Variants in UST observed in about 807,000 individuals in gnomAD.
UST encodes the protein uronyl 2-sulfotransferase.
A neutral mutation model predicts 45.6 loss-of-function variants in UST; 21 were observed. That is an observed-to-expected ratio of 0.46 (90% confidence interval 0.33 to 0.66). The LOEUF (loss-of-function observed/expected upper bound fraction) is 0.66. UST is among the 30% of genes least tolerant of loss of function. UST has a pLI of 0.02. For synonymous variants in UST, 215 were observed against 200.6 expected, an observed-to-expected ratio of 1.07 and a Z score of -0.61; for missense variants, 463 against 512.4, an observed-to-expected ratio of 0.90 and a Z score of 0.93.
intron 3 of UST, among the ~76,000 whole-genome samples, chr6:148,951,748 G>T (rs1780369241): frequency 6.6e-6 from 1 of 152,212 alleles, no homozygotes; most frequent in African/African-American, 2.4e-5. Flanking sequence ...GAGCTGAAAT[G>T]TACCCTCTGC....
intron 1 of UST, among the ~76,000 whole-genome samples, chr6:148,827,344 C>T (rs944940118): frequency 1.8e-4 from 27 of 152,142 alleles, no homozygotes; most frequent in Non-Finnish European, 2.5e-4. Context: ...AGTCTGGGGC[C>T]GGCCGCGGTG....
chr6:148,794,715 G>A (rs17085359), intron 1 of UST, among the ~76,000 whole-genome samples: 2,660 of 152,232 alleles, frequency 0.017, 77 homozygotes, highest in African/African-American at 0.061. Flanking sequence ...AAAGAACATC[G>A]GGTGGAATAA....
intron 2 of UST, among the ~76,000 whole-genome samples, chr6:148,912,595 G>A (rs1779497000): frequency 6.6e-6 from 1 of 152,172 alleles, no homozygotes; most frequent in African/African-American, 2.4e-5. Context: ...TTATCCACAA[G>A]GAGAAACAAG....
In UST at chr6:148,754,457, C is replaced by T. The variant is rs145467792; in HGVS notation, c.247+6780C>T. On this transcript the variant is annotated intron_variant, in intron 1 of 7. Transcript: ENST00000367463. Reference sequence around the variant, plus strand: ...TTTCTGGTCTTTTGTCCCTCACCCCCTTCCCACCCTTTCTCCCTGAGTCCC... The same window carrying T: ...TTTCTGGTCTTTTGTCCCTCACCCCTTTCCCACCCTTTCTCCCTGAGTCCC... Among the ~76,000 whole-genome samples the T allele has an allele frequency of 1.2e-3, 189 of 152,292 alleles. 2 individuals are homozygous for T. In the East Asian group the frequency reaches 0.018, roughly 14 times the overall value.
chr6:148,966,493 A>G (rs1019725077), intron 5 of UST, among the ~76,000 whole-genome samples: 32 of 152,240 alleles, frequency 2.1e-4, no homozygotes, highest in Non-Finnish European at 7.3e-5. Flanking sequence ...AAAGGACAGC[A>G]GAAAATGCCA....
In UST at chr6:148,998,597, G is replaced by T. The variant is rs139915382; in HGVS notation, c.682-20542G>T. On this transcript the variant is annotated intron_variant, in intron 5 of 7. Transcript: ENST00000367463. ...CAGTGCATTCATATAATATCACACT[G>T]CCCCTCCTAGAGAAAACTCACAATG... is the stretch of plus-strand genomic sequence containing the variant. 1.9e-3 allele frequency among the ~76,000 whole-genome samples: 283 copies of T among 152,230 alleles called. 1 individual carries two copies. Among genetic ancestry groups the T allele is most frequent in the African/African-American group, 6.5e-3 (268 of 41,544 alleles).
chr6:148,912,959 G>A (rs1490409658), intron 2 of UST, among the ~76,000 whole-genome samples: 1 of 152,164 alleles, frequency 6.6e-6, no homozygotes, highest in Admixed American at 6.5e-5. Context: ...AAATGCAGTA[G>A]GTCTGGAGAG....
chr6:149,004,422 C>T (rs888177595), intron 5 of UST, among the ~76,000 whole-genome samples: 9 of 152,260 alleles, frequency 5.9e-5, no homozygotes, highest in African/African-American at 2.2e-4. Context: ...GTGTAAGAGC[C>T]GGATGTCCAC....
chr6:148,850,443 A>G lies in UST; in HGVS notation c.248-36543A>G, dbSNP rs1778082259. ...CAGCACATTTCATCTACGGAGAGCAAACTAATCAAAAAAGCACGCTTGCTC... is the reference window on the plus strand; with the variant it reads ...CAGCACATTTCATCTACGGAGAGCAGACTAATCAAAAAAGCACGCTTGCTC... On this transcript the variant is annotated intron_variant, in intron 1 of 7. Transcript: ENST00000367463. 2.0e-5 allele frequency among the ~76,000 whole-genome samples: 3 copies of G among 152,322 alleles called. No individual in the cohort carries two copies. In the South Asian group the frequency reaches 6.2e-4, roughly 32 times the overall value.
chr6:148,768,079 C>T (rs1013203525), intron 1 of UST, among the ~76,000 whole-genome samples: 5 of 152,072 alleles, frequency 3.3e-5, no homozygotes, highest in South Asian at 2.1e-4. Flanking sequence ...TTTTACAAAC[C>T]GGCACATTGA....
chr6:148,873,786 T>C (rs1290617952), intron 1 of UST, among the ~76,000 whole-genome samples: 2 of 151,872 alleles, frequency 1.3e-5, no homozygotes, highest in African/African-American at 4.8e-5. Context: ...CGGAGAGTGC[T>C]TTGCACAGTG....
Position 149,072,898 on chromosome 6 carries a change from T to G in UST, c.938-935T>G, listed in dbSNP as rs183128724. ...ATTGGGAGTTATTGTTTAATGGATA[T>G]CAAGTTTTTGTATAGACTCATGAAA... On this transcript the variant is annotated intron_variant, in intron 7 of 7. Transcript: ENST00000367463. Among the ~76,000 whole-genome samples the G allele has an allele frequency of 2.0e-5, 3 of 152,278 alleles. No individual in the cohort carries two copies. The East Asian group carries it at 5.8e-4, about 29-fold the overall frequency.
chr6:149,048,663 AC>A (rs1776429195), intron 7 of UST, among the ~76,000 whole-genome samples: 1 of 152,230 alleles, frequency 6.6e-6, no homozygotes, highest in African/African-American at 2.4e-5. Flanking sequence ...ATTATATTTT[AC>A]CAAAACATGA....
At chr6:148,824,940 TG>T (rs1321703594) in intron 1 of UST, among the ~76,000 whole-genome samples, 2 of 148,868 alleles carry the variant, frequency 1.3e-5, no homozygotes, top group Non-Finnish European at 3.0e-5. Context: ...TTTGGTTTTT[TG>T]TTCTTGCGAT....
chr6:148,846,041 A>G lies in UST; in HGVS notation c.248-40945A>G, dbSNP rs571471397. On this transcript the variant is annotated intron_variant, in intron 1 of 7. Transcript: ENST00000367463. ...AACCCTTGTGGAAGTCAGTGTGGCGATTCCTCAGGGATCTAGAACTAGAAA... is the reference window on the plus strand; with the variant it reads ...AACCCTTGTGGAAGTCAGTGTGGCGGTTCCTCAGGGATCTAGAACTAGAAA... Among the ~76,000 whole-genome samples the G allele has an allele frequency of 2.1e-5, 3 of 145,010 alleles. No homozygotes were observed. The South Asian group carries it at 7.0e-4, about 34-fold the overall frequency.
At chr6:148,951,860 T>C (rs1425240498) in intron 3 of UST, among the ~76,000 whole-genome samples, 1 of 152,238 alleles carries the variant, frequency 6.6e-6, no homozygotes, top group African/African-American at 2.4e-5. Context: ...TAATCCATTT[T>C]TTTCCTCCTG....
At chr6:148,999,254 C>A (rs889502037) in intron 5 of UST, among the ~76,000 whole-genome samples, 1 of 152,148 alleles carries the variant, frequency 6.6e-6, no homozygotes, top group Non-Finnish European at 1.5e-5. Flanking sequence ...CATCTGAAAT[C>A]TTTCATTAGA....
intron 1 of UST, among the ~76,000 whole-genome samples, chr6:148,752,213 G>A (rs976267425): frequency 2.0e-5 from 3 of 152,162 alleles, no homozygotes; most frequent in Non-Finnish European, 4.4e-5. Context: ...TGCATTTAAA[G>A]GAAAATGTGA....
At chr6:148,768,090 T>C (rs1776353331) in intron 1 of UST, among the ~76,000 whole-genome samples, 2 of 152,236 alleles carry the variant, frequency 1.3e-5, no homozygotes, top group African/African-American at 4.8e-5. Context: ...GGCACATTGA[T>C]ATGGCTTTGT....
Sources: allele counts gnomAD v4.1 joint callset (sites outside exome capture counted in the v4.1 genomes callset), GRCh38; gene constraint gnomAD v4.1.1; transcripts MANE v1.5; gene names NCBI Gene and HGNC (gene_info 2026-07-23, HGNC 2026-07-21).